Variants in ADAMTSL1 observed in about 807,000 individuals in gnomAD.
ADAMTSL1 encodes ADAMTS like 1.
A neutral mutation model predicts 201.8 loss-of-function variants in ADAMTSL1; 126 were observed. The ratio of observed to expected loss-of-function variants is 0.62; its 90% confidence interval spans 0.54 to 0.72. ADAMTSL1 has a LOEUF of 0.72. Ranked by LOEUF, ADAMTSL1 falls within the 30% of genes least tolerant of loss-of-function variation. The pLI is 0.00. For missense variants in ADAMTSL1, 2,679 were observed against 2,277.8 expected (o/e 1.18, Z -3.59); for synonymous variants, 1,121 against 903.4 (o/e 1.24, Z -4.32).
At chr9:18,572,514 C>A (rs1313323102) in intron 3 of ADAMTSL1, among the ~76,000 whole-genome samples, 2 of 152,066 alleles carry the variant, frequency 1.3e-5, no homozygotes, top group African/African-American at 4.8e-5. Flanking sequence ...TTTTCCTCTG[C>A]TACTATGGTT....
chr9:18,219,277 G>A (rs2132350235), intron 2 of ADAMTSL1, among the ~76,000 whole-genome samples: 1 of 151,698 alleles, frequency 6.6e-6, no homozygotes, highest in South Asian at 2.1e-4. Flanking sequence ...AGATTATACG[G>A]ATAACTGCTA....
At chr9:17,941,686 A>C (rs1264402878) in intron 1 of ADAMTSL1, among the ~76,000 whole-genome samples, 1 of 152,126 alleles carries the variant, frequency 6.6e-6, no homozygotes, top group African/African-American at 2.4e-5. Flanking sequence ...ATGTATGTGT[A>C]AGTGTGTGGG....
chr9:18,512,959 C>G (rs760921002), intron 2 of ADAMTSL1, among the ~76,000 whole-genome samples: 2 of 152,162 alleles, frequency 1.3e-5, no homozygotes, highest in African/African-American at 4.8e-5. Flanking sequence ...TTAAACATCT[C>G]TACAAAAGAA....
At chr9:18,303,182 C>G (rs73428945) in intron 2 of ADAMTSL1, among the ~76,000 whole-genome samples, 2 of 152,104 alleles carry the variant, frequency 1.3e-5, no homozygotes, top group African/African-American at 4.8e-5. Context: ...ATTTAGAGGA[C>G]TCAGGAAACC....
In ADAMTSL1 at chr9:18,218,109, G is replaced by A. The variant is rs570925750; in HGVS notation, c.207+54128G>A. Among the ~76,000 whole-genome samples the A allele has an allele frequency of 2.6e-5, 4 of 152,282 alleles. No homozygotes were observed. In the South Asian group the frequency reaches 8.3e-4, roughly 32 times the overall value. ...CTGACATTTTCAAAGTGCTTGCTTA[G>A]TATAAGTGGAAAACATACTTTTTAA... On this transcript the variant is annotated intron_variant, in intron 2 of 29. Transcript: ENST00000680146.
intron 2 of ADAMTSL1, among the ~76,000 whole-genome samples, chr9:18,525,791 G>T (rs1399790098): frequency 6.6e-6 from 1 of 152,194 alleles, no homozygotes; most frequent in Admixed American, 6.5e-5. Context: ...TAGTTTGATA[G>T]CACTGTGGTC....
At chr9:18,904,678 G>T (rs1362470375) in intron 26 of ADAMTSL1, among the ~76,000 whole-genome samples, 1 of 89,106 alleles carries the variant, frequency 1.1e-5, no homozygotes, top group Non-Finnish European at 2.2e-5. Flanking sequence ...AAAAAGGTCC[G>T]TTTATGTGTA....
At chr9:18,498,621 G>A (rs181493622) in intron 1 of ADAMTSL1, among the ~76,000 whole-genome samples, 3 of 151,996 alleles carry the variant, frequency 2.0e-5, no homozygotes, top group Non-Finnish European at 4.4e-5. Context: ...GAGCCACCGC[G>A]CCCGGCCAAT....
chr9:18,312,627 A>C (rs1334416307), intron 2 of ADAMTSL1, among the ~76,000 whole-genome samples: 1 of 152,170 alleles, frequency 6.6e-6, no homozygotes, highest in Non-Finnish European at 1.5e-5. Context: ...GAGCAACACA[A>C]AACTTCTGTA....
rs1197987893 is a variant in ADAMTSL1 at position 18,909,462 on chromosome 9, C to T, written c.*914C>T. ...AGGTGGGTCTCGCCATGCAGTAAGG[C>T]CACCCTGGCACCTCTTTATCTAAAT... On this transcript the variant is annotated 3_prime_UTR_variant, in exon 29 of 29. Coordinates refer to ENST00000380548, the MANE Select transcript of ADAMTSL1 (RefSeq NM_001040272.6). 1.3e-5 allele frequency: 2 copies of T among 152,318 alleles called. No individual in the cohort carries two copies. The highest frequency in any genetic ancestry group is 2.9e-5 in the Non-Finnish European group (2 of 68,110). The allele number at this position is 152,318 out of a possible 1,614,324, so 9.4% of individuals were successfully genotyped here. A position where few individuals can be genotyped will look rare whatever the true frequency, so the allele number is the denominator to read the frequency against.
chr9:18,817,287 G>C, intron 21 of ADAMTSL1, 50 bp downstream of exon 21: 1 of 1,525,104 alleles, frequency 6.6e-7, no homozygotes, highest in Admixed American at 2.1e-5. Context: ...CCCTGTGCTA[G>C]GTTGGGGATA....
chr9:18,810,760 A>G (rs769797167), intron 20 of ADAMTSL1, among the ~76,000 whole-genome samples: 10 of 152,152 alleles, frequency 6.6e-5, no homozygotes, highest in South Asian at 2.1e-4. Flanking sequence ...TTAAAACACA[A>G]TGTACACAGG....
At chr9:18,006,041 C>T (rs916480194) in intron 1 of ADAMTSL1, among the ~76,000 whole-genome samples, 1 of 151,640 alleles carries the variant, frequency 6.6e-6, no homozygotes, top group Admixed American at 6.6e-5. Context: ...CATATATATT[C>T]GGTGACTGCA....
intron 1 of ADAMTSL1, among the ~76,000 whole-genome samples, chr9:18,066,406 T>C (rs1822704811): frequency 6.6e-6 from 1 of 152,164 alleles, no homozygotes; most frequent in South Asian, 2.1e-4. Context: ...TTATATCTAA[T>C]TAACTTTAAG....
At chr9:17,934,763 T>A (rs1411674563) in intron 1 of ADAMTSL1, among the ~76,000 whole-genome samples, 1 of 152,074 alleles carries the variant, frequency 6.6e-6, no homozygotes, top group Non-Finnish European at 1.5e-5. Context: ...CTGACATATC[T>A]CCAGTTGTGA....
intron 2 of ADAMTSL1, among the ~76,000 whole-genome samples, chr9:18,239,180 G>T (rs77494720): frequency 1.3e-5 from 2 of 152,174 alleles, no homozygotes; most frequent in African/African-American, 4.8e-5. Context: ...GGTGGTGAAG[G>T]GTAGGGTAGC....
chr9:17,952,167 A>G (rs944091415), intron 1 of ADAMTSL1, among the ~76,000 whole-genome samples: 2 of 146,858 alleles, frequency 1.4e-5, no homozygotes, highest in Admixed American at 7.0e-5. Flanking sequence ...TTGCCCAGGC[A>G]GGCCTTGAAC....
intron 3 of ADAMTSL1, among the ~76,000 whole-genome samples, chr9:18,550,772 C>G (rs545098772): frequency 7.3e-4 from 111 of 151,846 alleles, no homozygotes; most frequent in African/African-American, 2.6e-3. Flanking sequence ...TTTATGGCAG[C>G]AATAGAAAAC....
chr9:18,280,035 C>T (rs1832725160), intron 2 of ADAMTSL1, among the ~76,000 whole-genome samples: 2 of 152,202 alleles, frequency 1.3e-5, no homozygotes, highest in African/African-American at 4.8e-5. Context: ...CTAGATAGGC[C>T]TGGACTCAAG....
Sources: gnomAD v4.1 joint callset for allele counts (sites outside exome capture counted in the v4.1 genomes callset) on GRCh38, gnomAD v4.1.1 for gene constraint, MANE v1.5 for transcripts, NCBI Gene and HGNC (gene_info 2026-07-23, HGNC 2026-07-21) for gene names.